SP100: variants seen among roughly 807,000 people sequenced by gnomAD.
SP100 encodes SP100 nuclear body protein, also known as nuclear autoantigen Sp-100.
Under a neutral mutation model 130.0 loss-of-function variants are expected in SP100, and 84 were observed. The observed-to-expected ratio is 0.65, with a 90% confidence interval of 0.54 to 0.77. SP100 has a LOEUF of 0.77. Among genes scored for constraint, SP100 ranks in the 30% least tolerant of loss-of-function variants. The probability of loss-of-function intolerance (pLI) is 0.00; values close to 1 mark genes in which losing one functional copy is unlikely to be tolerated. For missense variants in SP100, 978 were observed against 1,052.2 expected (o/e 0.93, Z 0.97); for synonymous variants, 331 against 351.7 (o/e 0.94, Z 0.66).
At position 230,506,370 on chromosome 2, in the gene SP100, A is replaced by G. The variant is rs1352808699; in HGVS notation, c.1938A>G (p.Glu646=). ...TCACTCCCAGGGAATTTGAAATTGA[A>G]GGAGACCGCGGAGCATCCAAGAACT... is the stretch of plus-strand genomic sequence containing the variant. ...KWFTPREFEI[E]GDRGASKNWK... is the part of the protein sequence containing the mutation. Residue 646 remains glutamate (E), a synonymous_variant, in exon 22 of 29, where the codon GAA becomes GAG. Transcript: ENST00000340126. 1 of 1,613,946 alleles carries G rather than the reference A, an allele frequency of 6.2e-7. No homozygotes were observed. The highest frequency in any genetic ancestry group is 1.1e-5 in the South Asian group (1 of 91,072).
chr2:230,500,250 T>C (rs145174017), intron 19 of SP100, among the ~76,000 whole-genome samples: 1 of 152,348 alleles, frequency 6.6e-6, no homozygotes, highest in African/African-American at 2.4e-5. Flanking sequence ...TCCTACTTTG[T>C]CCAGGCATTT....
chr2:230,539,518 C>T, intron 25 of SP100, 136 bp downstream of exon 25: 1 of 608,292 alleles, frequency 1.6e-6, no homozygotes, highest in South Asian at 2.0e-5. Context: ...TCCTTAGCAT[C>T]AAGATCCACA....
At chr2:230,489,829 T>G (rs2150036007) in intron 17 of SP100, among the ~76,000 whole-genome samples, 1 of 152,290 alleles carries the variant, frequency 6.6e-6, no homozygotes. Context: ...TGGTTTTGAG[T>G]GAGTTTCTTA....
At chr2:230,539,475 G>C in intron 25 of SP100, 93 bp downstream of exon 25, 1 of 812,834 alleles carries the variant, frequency 1.2e-6, no homozygotes, top group South Asian at 1.5e-5. Context: ...TTCTGTACCT[G>C]GTTATGTGTT....
intron 21 of SP100, 55 bp downstream of exon 21, chr2:230,504,345 C>A: frequency 9.4e-7 from 1 of 1,069,258 alleles, no homozygotes; most frequent in Non-Finnish European, 1.4e-6. Context: ...ACACAGATAG[C>A]ATACTGTTTA....
At chr2:230,535,906 C>CAAAAAAAAAAAAAAAAAAAA (rs34684038) in intron 24 of SP100, among the ~76,000 whole-genome samples, 2 of 47,598 alleles carry the variant, frequency 4.2e-5, no homozygotes, top group African/African-American at 2.2e-4. Context: ...GACTCCATCT[C>CAAAAAAAAAAAAAAAAAAAA]AAAAAAAAAA....
intron 24 of SP100, among the ~76,000 whole-genome samples, chr2:230,525,166 A>G (rs1323112984): frequency 6.6e-6 from 1 of 152,212 alleles, no homozygotes; most frequent in Non-Finnish European, 1.5e-5. Context: ...TATTTTTTAA[A>G]AAAAAGAAAA....
chr2:230,464,821 A>C lies in SP100; in HGVS notation c.1141+671A>C, dbSNP rs1482215179. 3.9e-5 allele frequency among the ~76,000 whole-genome samples: 6 copies of C among 152,320 alleles called. No individual in the cohort carries two copies. In the East Asian group the frequency reaches 1.2e-3, roughly 29 times the overall value. On this transcript the variant is annotated intron_variant, in intron 11 of 28. Coordinates refer to ENST00000340126, the MANE Select transcript of SP100 (RefSeq NM_001080391.2). ...TTAAGAGTCATTTATGACCAGGCGCAGTGGCTCACACCTATAATCCCAGCA... is the reference window on the plus strand; with the variant it reads ...TTAAGAGTCATTTATGACCAGGCGCCGTGGCTCACACCTATAATCCCAGCA...
intron 2 of SP100, among the ~76,000 whole-genome samples, chr2:230,435,517 T>C (rs920015678): frequency 1.3e-5 from 2 of 152,244 alleles, no homozygotes; most frequent in African/African-American, 4.8e-5. Flanking sequence ...CTCAGATATT[T>C]GTTCTGTCAT....
intron 17 of SP100, among the ~76,000 whole-genome samples, chr2:230,478,758 A>C (rs2065687632): frequency 6.6e-6 from 1 of 152,198 alleles, no homozygotes; most frequent in Non-Finnish European, 1.5e-5. Flanking sequence ...GCTCAATGTT[A>C]CTGGGAAAAA....
At chr2:230,540,853 TC>T in intron 25 of SP100, 22 bp from the exon 26 acceptor site, 1 of 1,592,602 alleles carries the variant, frequency 6.3e-7, no homozygotes, top group South Asian at 1.1e-5. Flanking sequence ...CTGCCATTGC[TC>T]ACTTTATGCC....
In SP100 at chr2:230,511,029, G is replaced by A. The variant is rs186033020; in HGVS notation, c.2053-96G>A. On this transcript the variant is annotated intron_variant, in intron 23 of 28. Coordinates refer to ENST00000340126, the MANE Select transcript of SP100 (RefSeq NM_001080391.2). ...GACATGAAACAAAAGAAGGGCTGTG[G>A]CATGAATCCCTTAAAAATAAAGAAG... The A allele has an allele frequency of 2.6e-4, 216 of 820,408 alleles. 3 individuals are homozygous for A. The African/African-American group carries it at 3.2e-3, about 12-fold the overall frequency. The allele number at this position is 820,408 out of a possible 1,614,324, so 50.8% of individuals were successfully genotyped here.
intron 24 of SP100, among the ~76,000 whole-genome samples, chr2:230,526,181 G>C (rs996681339): frequency 6.6e-6 from 1 of 152,130 alleles, no homozygotes; most frequent in Non-Finnish European, 1.5e-5. Flanking sequence ...CAAACAGGCA[G>C]GTGCCCCTCC....
intron 15 of SP100, among the ~76,000 whole-genome samples, chr2:230,471,347 G>A (rs1388186820): frequency 6.6e-5 from 10 of 152,218 alleles, no homozygotes; most frequent in Non-Finnish European, 1.2e-4. Context: ...TTGTCAGTCC[G>A]TTTAAGCTCT....
chr2:230,436,886 A>G (rs76318307), intron 2 of SP100, among the ~76,000 whole-genome samples: 2 of 148,614 alleles, frequency 1.3e-5, no homozygotes, highest in African/African-American at 2.5e-5. Flanking sequence ...ATACACACAC[A>G]TATATGTGTA....
At chr2:230,527,938 A>G (rs969228900) in intron 24 of SP100, among the ~76,000 whole-genome samples, 3 of 152,218 alleles carry the variant, frequency 2.0e-5, no homozygotes, top group African/African-American at 7.2e-5. Flanking sequence ...GCAAGTCCTT[A>G]CAGACCTACA....
chr2:230,538,647 G>A (rs1692045174), intron 24 of SP100: 1 of 152,368 alleles, frequency 6.6e-6, no homozygotes, highest in African/African-American at 2.4e-5. Flanking sequence ...ACATGCCTAA[G>A]TCATGGGGAC....
At chr2:230,488,660 G>A (rs547145400) in intron 17 of SP100, among the ~76,000 whole-genome samples, 49 of 152,162 alleles carry the variant, frequency 3.2e-4, no homozygotes, top group Non-Finnish European at 6.3e-4. Context: ...TGATCCAACC[G>A]CCTCGGCCTC....
intron 24 of SP100, among the ~76,000 whole-genome samples, chr2:230,525,241 A>AT (rs1213045972): frequency 6.6e-6 from 1 of 152,142 alleles, no homozygotes; most frequent in Non-Finnish European, 1.5e-5. Flanking sequence ...GCCATAGGTA[A>AT]TTTTTTTCCC....
Sources: gnomAD v4.1 joint callset for allele counts (sites outside exome capture counted in the v4.1 genomes callset) on GRCh38, gnomAD v4.1.1 for gene constraint, MANE v1.5 for transcripts, NCBI Gene and HGNC (gene_info 2026-07-23, HGNC 2026-07-21) for gene names.